GPC6: variants seen among roughly 807,000 people sequenced by gnomAD.
GPC6 encodes glypican-6.
Under a neutral mutation model 55.2 loss-of-function variants are expected in GPC6, and 14 were observed. The observed-to-expected ratio is 0.25, with a 90% CI of 0.17 to 0.40. The LOEUF (loss-of-function observed/expected upper bound fraction) is 0.40. Among genes scored for constraint, GPC6 ranks in the 10% least tolerant of loss-of-function variants. The probability of loss-of-function intolerance (pLI) is 1.00; values close to 1 mark genes in which losing one functional copy is unlikely to be tolerated. For missense variants in GPC6, 641 were observed against 708.5 expected (o/e 0.90, Z 1.08); for synonymous variants, 278 against 259.6 (o/e 1.07, Z -0.68).
At chr13:94,266,456 C>T (rs1045455838) in intron 4 of GPC6, among the ~76,000 whole-genome samples, 1 of 152,206 alleles carries the variant, frequency 6.6e-6, no homozygotes, top group Non-Finnish European at 1.5e-5. Flanking sequence ...GCGTGAGCCA[C>T]CGCGTCCAGC....
chr13:93,439,223 A>G (rs974049635), intron 1 of GPC6, among the ~76,000 whole-genome samples: 2 of 152,130 alleles, frequency 1.3e-5, no homozygotes, highest in Non-Finnish European at 2.9e-5. Context: ...TGAACCTACA[A>G]TATCTACCAG....
chr13:93,622,453 C>G (rs12323297), intron 2 of GPC6, among the ~76,000 whole-genome samples: 2,560 of 151,820 alleles, frequency 0.017, 63 homozygotes, highest in African/African-American at 0.057. Context: ...TCCCTTTTCT[C>G]TGTAGGTTAA....
intron 1 of GPC6, among the ~76,000 whole-genome samples, chr13:93,407,044 A>G (rs1231640161): frequency 6.6e-6 from 1 of 152,180 alleles, no homozygotes; most frequent in Non-Finnish European, 1.5e-5. Flanking sequence ...TTAAGGTTGC[A>G]TCAATGTTAA....
At chr13:94,051,123 G>A (rs1462896998) in intron 4 of GPC6, among the ~76,000 whole-genome samples, 2 of 152,054 alleles carry the variant, frequency 1.3e-5, no homozygotes, top group African/African-American at 2.4e-5. Context: ...TTAGAGCTCT[G>A]TAATGGAATA....
chr13:93,556,794 G>T (rs1168731977), intron 2 of GPC6, among the ~76,000 whole-genome samples: 1 of 152,018 alleles, frequency 6.6e-6, no homozygotes, highest in Non-Finnish European at 1.5e-5. Flanking sequence ...AAATGAATGA[G>T]AACATATGAT....
chr13:94,168,903 A>G (rs962227825), intron 4 of GPC6, among the ~76,000 whole-genome samples: 1 of 152,008 alleles, frequency 6.6e-6, no homozygotes, highest in Non-Finnish European at 1.5e-5. Flanking sequence ...CTGGAATGTT[A>G]TGTGTCTCCA....
intron 1 of GPC6, among the ~76,000 whole-genome samples, chr13:93,314,748 T>C (rs867296916): frequency 0.021 from 1,829 of 85,520 alleles, 33 homozygotes; most frequent in African/African-American, 0.082. Flanking sequence ...TGTGTGTGTG[T>C]GTGTGTGTGC....
intron 2 of GPC6, among the ~76,000 whole-genome samples, chr13:93,723,746 A>T (rs78400192): frequency 0.02 from 3,041 of 152,070 alleles, 92 homozygotes; most frequent in African/African-American, 0.068. Context: ...AGATTTCACA[A>T]TTTTTTTGAG....
At chr13:93,795,599 T>C (rs923305425) in intron 2 of GPC6, among the ~76,000 whole-genome samples, 1 of 152,218 alleles carries the variant, frequency 6.6e-6, no homozygotes, top group African/African-American at 2.4e-5. Context: ...TGAAAAGATA[T>C]TGGTGCCTTA....
At position 94,052,019 on chromosome 13, in the gene GPC6, A is replaced by G. The variant is rs73544056; in HGVS notation, c.877+24125A>G. ...TTTCTCCATGTAAGGTAGTGGAAAT[A>G]AAAACATAAAAAAGACATGGCCTCT... On this transcript the variant is annotated intron_variant, in intron 4 of 8. Transcript: ENST00000377047. Among the ~76,000 whole-genome samples, 1,442 of 152,308 alleles carry G rather than the reference A, an allele frequency of 9.5e-3. 26 individuals are homozygous for G. The highest frequency in any genetic ancestry group is 0.032 in the African/African-American group (1,346 of 41,556).
chr13:93,486,478 C>G (rs1879716146), intron 1 of GPC6, among the ~76,000 whole-genome samples: 1 of 152,124 alleles, frequency 6.6e-6, no homozygotes, highest in Non-Finnish European at 1.5e-5. Context: ...CACAAAAACT[C>G]TGGATTTAAT....
chr13:94,163,032 A>G (rs545770703), intron 4 of GPC6, among the ~76,000 whole-genome samples: 33 of 152,242 alleles, frequency 2.2e-4, no homozygotes, highest in African/African-American at 7.0e-4. Context: ...AGAATTTTTT[A>G]AAACCTTTTA....
At chr13:93,979,688 A>G (rs1340389657) in intron 3 of GPC6, among the ~76,000 whole-genome samples, 2 of 152,122 alleles carry the variant, frequency 1.3e-5, no homozygotes, top group Non-Finnish European at 2.9e-5. Context: ...TTAAACCTGC[A>G]CAGTATCATC....
At chr13:93,306,109 G>T (rs557481731) in intron 1 of GPC6, among the ~76,000 whole-genome samples, 1 of 152,252 alleles carries the variant, frequency 6.6e-6, no homozygotes, top group South Asian at 2.1e-4. Flanking sequence ...ATGCAGTGGG[G>T]TACTGAACAG....
chr13:93,879,934 C>T (rs1874852905), intron 3 of GPC6, among the ~76,000 whole-genome samples: 1 of 151,168 alleles, frequency 6.6e-6, no homozygotes, highest in African/African-American at 2.4e-5. Context: ...CAAAAGAAGA[C>T]ATTTATGCAG....
chr13:94,092,523 C>A lies in GPC6; in HGVS notation c.877+64629C>A, dbSNP rs567675331. Among the ~76,000 whole-genome samples, 4 of 152,164 alleles carry A rather than the reference C, an allele frequency of 2.6e-5. No individual in the cohort carries two copies. The East Asian group carries it at 7.7e-4, about 29-fold the overall frequency. ...GTATATATACCACATTTTCTTTATC[C>A]GTTCATCTGTTGATGGATACTTAGA... On this transcript the variant is annotated intron_variant, in intron 4 of 8. Transcript: ENST00000377047.
In GPC6 at chr13:94,011,713, T is replaced by A. The variant is rs145736767; in HGVS notation, c.712-16016T>A. ...CTCCTGGCATTTGCAGCAGTGGGAA[T>A]TCCGTATGGTGTGCTGCCCACTAGC... On this transcript the variant is annotated intron_variant, in intron 3 of 8. Coordinates refer to ENST00000377047, the MANE Select transcript of GPC6 (RefSeq NM_005708.5). 7.2e-4 allele frequency among the ~76,000 whole-genome samples: 110 copies of A among 152,322 alleles called. 2 individuals are homozygous for A. In the East Asian group the frequency reaches 0.02, roughly 27 times the overall value.
intron 4 of GPC6, among the ~76,000 whole-genome samples, chr13:94,094,522 G>A (rs1238336820): frequency 6.6e-6 from 1 of 152,068 alleles, no homozygotes; most frequent in Non-Finnish European, 1.5e-5. Context: ...CTTCCCATTG[G>A]TGATGCCATT....
At chr13:93,316,534 AG>A (rs1318832104) in intron 1 of GPC6, among the ~76,000 whole-genome samples, 2 of 152,060 alleles carry the variant, frequency 1.3e-5, no homozygotes, top group Non-Finnish European at 2.9e-5. Context: ...TAGGGCATAA[AG>A]GGAAAAAATG....
Sources: allele counts gnomAD v4.1 joint callset (sites outside exome capture counted in the v4.1 genomes callset), GRCh38; gene constraint gnomAD v4.1.1; transcripts MANE v1.5; gene names NCBI Gene and HGNC (gene_info 2026-07-23, HGNC 2026-07-21).